FGFR1: variants seen among roughly 807,000 people sequenced by gnomAD.
FGFR1 encodes the protein FGFR1/PLAG1 fusion.
A neutral mutation model predicts 93.7 loss-of-function variants in FGFR1; 18 were observed. The observed-to-expected ratio is 0.19, with a 90% CI of 0.13 to 0.28. The LOEUF (loss-of-function observed/expected upper bound fraction) is 0.28. FGFR1 is among the 10% of genes least tolerant of loss of function. FGFR1 has a pLI of 1.00. For synonymous variants in FGFR1, 448 were observed against 429.3 expected, an observed-to-expected ratio of 1.04 and a Z score of -0.54; for missense variants, 731 against 1,080.4, an observed-to-expected ratio of 0.68 and a Z score of 4.53.
At chr8:38,432,917 C>CCA (rs1180294926) in intron 2 of FGFR1, among the ~76,000 whole-genome samples, 1 of 142,502 alleles carries the variant, frequency 7.0e-6, no homozygotes, top group African/African-American at 2.6e-5. Flanking sequence ...CGCCCCCCCC[C>CCA]CTCCCCAGTT....
At chr8:38,433,293 G>A (rs1323945260) in intron 2 of FGFR1, among the ~76,000 whole-genome samples, 1 of 152,062 alleles carries the variant, frequency 6.6e-6, no homozygotes, top group African/African-American at 2.4e-5. Context: ...CTATGATCAT[G>A]CCACTGGACG....
At chr8:38,421,417 A>AG (rs963755907) in intron 8 of FGFR1, among the ~76,000 whole-genome samples, 2 of 152,190 alleles carry the variant, frequency 1.3e-5, no homozygotes, top group Non-Finnish European at 2.9e-5. Flanking sequence ...GAAGAGGTGT[A>AG]GGGCCCTATC....
intron 7 of FGFR1, among the ~76,000 whole-genome samples, chr8:38,422,490 TC>T (rs1819195899): frequency 6.6e-6 from 1 of 152,196 alleles, no homozygotes; most frequent in South Asian, 2.1e-4. Context: ...CACTGCAGCC[TC>T]GACCTAAGCT....
At chr8:38,414,350 A>G (rs1815519394) in intron 15 of FGFR1, 61 bp from the exon 16 acceptor site, 1 of 1,612,036 alleles carries the variant, frequency 6.2e-7, no homozygotes, top group Non-Finnish European at 8.5e-7. Context: ...CCCCCAGCAC[A>G]AATCCTCTAC....
intron 15 of FGFR1, 71 bp downstream of exon 15, chr8:38,414,488 G>C (rs1815574312): frequency 6.4e-7 from 1 of 1,574,434 alleles, no homozygotes. Flanking sequence ...AGTCCAGGGA[G>C]AAAGCAGGAC....
rs2150820713 is a variant in FGFR1 at position 38,424,610 on chromosome 8, C to A, written c.835G>T (p.Val279Leu). ...ATGTGCGGCTGCGGGTCACTGTACA[C>A]CTTACACATGAACTCCACGTTGCTA... is the stretch of plus-strand genomic sequence containing the variant. ...LGSNVEFMCK[V>L]YSDPQPHIQW... Residue 279 changes from valine (V) to leucine (L), a missense_variant, in exon 7 of 18, where the codon GTG (valine) becomes TTG (leucine). Val to Leu is a conservative substitution (Grantham distance 32). Transcript: ENST00000447712. The surrounding 1 kb of genome is among the most constrained non-coding windows in gnomAD (Gnocchi z 4.3). 6.2e-7 allele frequency: 1 copy of A among 1,614,228 alleles called. No homozygotes were observed.
chr8:38,446,620 G>A (rs1829380106), intron 2 of FGFR1, among the ~76,000 whole-genome samples: 1 of 152,104 alleles, frequency 6.6e-6, no homozygotes, highest in South Asian at 2.1e-4. Flanking sequence ...ATGCCATGTT[G>A]CCCAAGCGGG....
At chr8:38,464,080 C>T (rs1206949007) in intron 1 of FGFR1, among the ~76,000 whole-genome samples, 4 of 152,024 alleles carry the variant, frequency 2.6e-5, no homozygotes, top group South Asian at 2.1e-4. Context: ...TTTGGGAGGC[C>T]GAGGCCAGCG....
At position 38,457,365 on chromosome 8, in the gene FGFR1, G is replaced by C. The variant is rs1204612499; in HGVS notation, c.82C>G (p.Pro28Ala). The C allele has an allele frequency of 6.2e-7, 1 of 1,613,066 alleles. No homozygotes were observed. The highest frequency in any genetic ancestry group is 8.5e-7 in the Non-Finnish European group (1 of 1,180,012). Residue 28 changes from proline (P) to alanine (A), a missense_variant, in exon 2 of 18, where the codon CCT (proline) becomes GCT (alanine). This residue lies in a region of FGFR1 where 212 missense variants were observed against 205.8 expected (regional missense o/e 1.03). Transcript: ENST00000447712. ...CCAGCCAGCACCTTACCTTGTTCAG[G>C]CAAGGTCGGGGACGGCCTAGCGGTG... ...LCTARPSPTLPEQAQPWGAPV... is the reference protein window; with the variant it reads ...LCTARPSPTLAEQAQPWGAPV...
intron 2 of FGFR1, among the ~76,000 whole-genome samples, chr8:38,437,646 CAG>C (rs1825888830): frequency 6.6e-6 from 1 of 152,008 alleles, no homozygotes; most frequent in African/African-American, 2.4e-5. Context: ...GTCTGAGGGG[CAG>C]TGGGAGATGA....
chr8:38,448,614 A>G (rs1326808886), intron 2 of FGFR1, among the ~76,000 whole-genome samples: 1 of 152,238 alleles, frequency 6.6e-6, no homozygotes, highest in Non-Finnish European at 1.5e-5. Flanking sequence ...GACATCTATT[A>G]AAAACTCCAC....
chr8:38,459,820 G>C (rs922376200), intron 1 of FGFR1, among the ~76,000 whole-genome samples: 2 of 152,150 alleles, frequency 1.3e-5, no homozygotes, highest in Non-Finnish European at 2.9e-5. Flanking sequence ...TCCAAACCAA[G>C]TAGATAAGGG....
Position 38,468,321 on chromosome 8 carries a change from AG to A in FGFR1, c.-430del, listed in dbSNP as rs1362433411. 4.4e-6 allele frequency: 1 copy of A among 228,058 alleles called. No homozygotes were observed. Among genetic ancestry groups the A allele is most frequent in the Non-Finnish European group, 8.7e-6 (1 of 114,636 alleles). 14.1% of individuals were successfully genotyped at this position (228,058 alleles called of 1,614,324 possible). ...CAGACCGGGCTCCATCGCCCTGCGG[AG>A]GCCCCGGCGCCGCGGCGTGCCCGAC... On this transcript the variant is annotated 5_prime_UTR_variant, in exon 1 of 18. Transcript: ENST00000447712.
Position 38,418,229 on chromosome 8 carries a change from T to C in FGFR1, c.1429A>G (p.Arg477Gly), listed in dbSNP as rs1817439254. The C allele has an allele frequency of 6.2e-7, 1 of 1,614,206 alleles. No individual in the cohort carries two copies. Among genetic ancestry groups the C allele is most frequent in the African/African-American group, 1.3e-5 (1 of 75,074 alleles). ...EDPRWELPRD[R>G]LVLGKPLGEG... ...AGTTGGGAGTCAAAGTATTATTACC[T>C]GTCCCGAGGCAGCTCCCAGCGAGGG... Residue 477 changes from arginine (R) to glycine (G), a missense_variant and splice_region_variant, in exon 10 of 18, where the codon AGA becomes GGA. Arg to Gly is a moderately radical substitution (Grantham distance 125, BLOSUM62 -2). Transcript: ENST00000447712.
intron 1 of FGFR1, chr8:38,465,660 C>A (rs2151478064): frequency 4.5e-6 from 1 of 224,290 alleles, no homozygotes; most frequent in Non-Finnish European, 8.9e-6. Context: ...ACCTCGGTCA[C>A]CGAGAGGAAG....
chr8:38,418,827 G>C (rs948198855), intron 9 of FGFR1, among the ~76,000 whole-genome samples: 1 of 152,164 alleles, frequency 6.6e-6, no homozygotes, highest in South Asian at 2.1e-4. Context: ...GGGCACACAG[G>C]GGACAAGGGT....
In FGFR1 at chr8:38,444,556, A is replaced by ATTTTTT. The variant is rs562700623; in HGVS notation, c.91+12794_91+12799dup. Among the ~76,000 whole-genome samples the ATTTTTT allele has an allele frequency of 1.5e-3, 196 of 129,190 alleles. 5 individuals are homozygous for ATTTTTT. Among genetic ancestry groups the ATTTTTT allele is most frequent in the African/African-American group, 3.6e-3 (125 of 34,564 alleles). The allele number at this position is 129,190 out of a possible 152,430, so 84.8% of individuals were successfully genotyped here. A position where few individuals can be genotyped will look rare whatever the true frequency, so the allele number is the denominator to read the frequency against. ...GGCACTTGCCACCACGCGTGGCTAA[A>ATTTTTT]TTTTTTTTTTTTTTTTGTAGAGACA... is the stretch of plus-strand genomic sequence containing the variant. On this transcript the variant is annotated intron_variant, in intron 2 of 17. Transcript: ENST00000447712.
intron 8 of FGFR1, 142 bp from the exon 9 acceptor site, chr8:38,419,877 G>T: frequency 1.5e-6 from 1 of 684,352 alleles, no homozygotes. Context: ...AGCTAGGACT[G>T]GGATTGTGGC....
chr8:38,445,159 G>A (rs1454423334), intron 2 of FGFR1, among the ~76,000 whole-genome samples: 2 of 152,186 alleles, frequency 1.3e-5, no homozygotes, highest in Non-Finnish European at 2.9e-5. Flanking sequence ...CGTGCCCATC[G>A]TGAGCACAAA....
Sources: allele counts gnomAD v4.1 joint callset (sites outside exome capture counted in the v4.1 genomes callset), GRCh38; gene constraint gnomAD v4.1.1; regional missense constraint gnomAD v4.1.1; non-coding constraint Gnocchi (gnomAD v3.1); transcripts MANE v1.5; gene names NCBI Gene and HGNC (gene_info 2026-07-23, HGNC 2026-07-21).